Variants in RYR2 observed in about 807,000 individuals in gnomAD.
The protein encoded by RYR2 is ryanodine receptor 2, also known as cardiac muscle ryanodine receptor-calcium release channel.
A neutral mutation model predicts 601.1 loss-of-function variants in RYR2; 227 were observed. That is an observed-to-expected ratio of 0.38 (90% CI 0.34 to 0.42). The LOEUF (loss-of-function observed/expected upper bound fraction) is 0.42, where lower values mean the gene tolerates loss of function less well. Ranked by LOEUF, RYR2 falls within the 10% of genes least tolerant of loss-of-function variation. The pLI is 1.00. For missense variants in RYR2, 4,646 were observed against 6,156.5 expected, an observed-to-expected ratio of 0.75 and a Z score of 8.21; for synonymous variants, 2,223 against 2,175.1, an observed-to-expected ratio of 1.02 and a Z score of -0.61.
In RYR2 at chr1:237,568,043, T is replaced by G. The variant is rs139672578; in HGVS notation, c.3424-1102T>G. ...TAACAGATAAAAGGCAGCTTTAGGT[T>G]TATACCTCCTGAAGATCAGATGTAA... On this transcript the variant is annotated intron_variant, in intron 28 of 104. Coordinates refer to ENST00000366574, the MANE Select transcript of RYR2 (RefSeq NM_001035.3). Among the ~76,000 whole-genome samples the G allele has an allele frequency of 5.9e-3, 901 of 152,250 alleles. 4 individuals are homozygous for G. Among genetic ancestry groups the G allele is most frequent in the Middle Eastern group, 0.037 (11 of 294 alleles).
intron 1 of RYR2, among the ~76,000 whole-genome samples, chr1:237,230,018 TCTAGA>T (rs1328497416): frequency 2.0e-5 from 3 of 152,308 alleles, no homozygotes; most frequent in African/African-American, 7.2e-5. Context: ...CACAATGCAA[TCTAGA>T]TTATTTCTTT....
intron 1 of RYR2, among the ~76,000 whole-genome samples, chr1:237,249,417 A>G (rs1368047706): frequency 7.2e-6 from 1 of 138,860 alleles, no homozygotes; most frequent in Non-Finnish European, 1.6e-5. Flanking sequence ...TGCTACTCCA[A>G]GTAGCTTGGA....
intron 1 of RYR2, among the ~76,000 whole-genome samples, chr1:237,114,310 G>A (rs773359998): frequency 3.9e-5 from 6 of 152,086 alleles, no homozygotes; most frequent in Non-Finnish European, 5.9e-5. Context: ...TTTGATATGT[G>A]TAATATCTTT....
At chr1:237,295,198 T>C (rs998423787) in intron 2 of RYR2, among the ~76,000 whole-genome samples, 4 of 151,884 alleles carry the variant, frequency 2.6e-5, no homozygotes, top group Non-Finnish European at 4.4e-5. Context: ...CACTTCAGCC[T>C]GGGTGAAAGA....
At chr1:237,678,153 T>A in intron 61 of RYR2, 41 bp downstream of exon 61, 1 of 1,108,702 alleles carries the variant, frequency 9.0e-7, no homozygotes, top group Non-Finnish European at 1.4e-6. Context: ...TCAATATGTT[T>A]GTTTACATAC....
chr1:237,288,935 C>T lies in RYR2; in HGVS notation c.168+18319C>T, dbSNP rs145406075. On this transcript the variant is annotated intron_variant, in intron 2 of 104. Coordinates refer to ENST00000366574, the MANE Select transcript of RYR2 (RefSeq NM_001035.3). The stretch of plus-strand genomic sequence containing the variant: ...CCCATTGGATCCCTGTGGTGCCAGG[C>T]AGGTATGGGGTGCTTGGGGACCCAG... Among the ~76,000 whole-genome samples the T allele has an allele frequency of 3.9e-5, 6 of 152,260 alleles. No homozygotes were observed. The East Asian group carries it at 1.2e-3, about 29-fold the overall frequency.
chr1:237,238,631 A>G (rs559399680), intron 1 of RYR2, among the ~76,000 whole-genome samples: 1 of 152,244 alleles, frequency 6.6e-6, no homozygotes, highest in East Asian at 1.9e-4. Context: ...CTTCTCCACC[A>G]TGAAGAGCCG....
chr1:237,830,073 C>T (rs1663600020), intron 102 of RYR2: 1 of 157,450 alleles, frequency 6.4e-6, no homozygotes, highest in Non-Finnish European at 1.4e-5. Context: ...TTTGATTTGG[C>T]CTTTTCTAAA....
rs116110159 is a variant in RYR2 at position 237,298,838 on chromosome 1, A to C, written c.168+28222A>C. Among the ~76,000 whole-genome samples, 559 of 152,160 alleles carry C rather than the reference A, an allele frequency of 3.7e-3. 8 individuals are homozygous for C. Among genetic ancestry groups the C allele is most frequent in the African/African-American group, 0.013 (541 of 41,490 alleles). ...AAGATGGCAAGACCCCGTTTCTACA[A>C]AAAATTAGAAAATTAGCCGAGTATG... On this transcript the variant is annotated intron_variant, in intron 2 of 104. Coordinates refer to ENST00000366574, the MANE Select transcript of RYR2 (RefSeq NM_001035.3).
intron 1 of RYR2, among the ~76,000 whole-genome samples, chr1:237,224,859 T>C (rs1307708651): frequency 6.6e-6 from 1 of 152,068 alleles, no homozygotes; most frequent in Admixed American, 6.6e-5. Context: ...GACTTTGTCA[T>C]TTACAAAAAA....
chr1:237,447,063 T>C (rs578132981), intron 14 of RYR2, among the ~76,000 whole-genome samples: 16 of 152,292 alleles, frequency 1.1e-4, no homozygotes, highest in Admixed American at 9.2e-4. Context: ...ATCTTTGAAA[T>C]TGTCGATTTT....
intron 58 of RYR2, among the ~76,000 whole-genome samples, chr1:237,670,254 G>T (rs556786962): frequency 6.7e-6 from 1 of 150,346 alleles, no homozygotes; most frequent in African/African-American, 2.5e-5. Context: ...GTCCAGCTTC[G>T]GCTCGGCATC....
intron 54 of RYR2, 38 bp downstream of exon 54, chr1:237,658,060 T>A: frequency 6.6e-5 from 72 of 1,097,510 alleles, no homozygotes; most frequent in Middle Eastern, 4.0e-4. Flanking sequence ...GTAGTCATTA[T>A]TAATGACTGG....
chr1:237,134,543 C>A (rs905376542), intron 1 of RYR2, among the ~76,000 whole-genome samples: 1 of 152,034 alleles, frequency 6.6e-6, no homozygotes, highest in East Asian at 1.9e-4. Flanking sequence ...AAAGACCTGC[C>A]CCCATGATTC....
intron 1 of RYR2, among the ~76,000 whole-genome samples, chr1:237,237,320 T>C (rs1250556796): frequency 6.6e-6 from 1 of 152,226 alleles, no homozygotes; most frequent in African/African-American, 2.4e-5. Context: ...TTGAGGATCT[T>C]ATAGTTCAGA....
intron 14 of RYR2, among the ~76,000 whole-genome samples, chr1:237,449,203 T>C (rs954290724): frequency 6.6e-6 from 1 of 152,230 alleles, no homozygotes; most frequent in African/African-American, 2.4e-5. Flanking sequence ...TATTTTCTAT[T>C]ATTTCATCTT....
intron 53 of RYR2, among the ~76,000 whole-genome samples, chr1:237,657,168 C>T (rs939823381): frequency 7.9e-5 from 12 of 152,012 alleles, no homozygotes; most frequent in Non-Finnish European, 1.5e-4. Flanking sequence ...GATTTCTAGA[C>T]GATTACGATT....
intron 1 of RYR2, among the ~76,000 whole-genome samples, chr1:237,094,634 G>A (rs150849879): frequency 0.015 from 2,349 of 152,216 alleles, 53 homozygotes; most frequent in African/African-American, 0.04. Context: ...GAGTACAGTG[G>A]TGCGATCTCG....
In RYR2 at chr1:237,634,986, A is replaced by G. The variant is rs747343896; in HGVS notation, c.6786A>G (p.Leu2262=). The change falls in exon 44 of 105, where the codon CTA becomes CTG. Residue 2262 remains leucine, a synonymous_variant. Coordinates refer to ENST00000366574, the MANE Select transcript of RYR2 (RefSeq NM_001035.3). ...ELALALREPD[L]EKVVRYLAGC... is the part of the protein sequence containing the mutation. ...CATTAGCTCTGCGTGAGCCGGATCT[A>G]GAAAAGGTGAGCAATGTTCCTGCCC... 19 of 1,588,192 alleles carry G rather than the reference A, an allele frequency of 1.2e-5. No homozygotes were observed. The highest frequency in any genetic ancestry group is 1.5e-5 in the Non-Finnish European group (17 of 1,165,614).
Sources: allele counts gnomAD v4.1 joint callset (sites outside exome capture counted in the v4.1 genomes callset), GRCh38; gene constraint gnomAD v4.1.1; transcripts MANE v1.5; gene names NCBI Gene and HGNC (gene_info 2026-07-23, HGNC 2026-07-21).